COMMD10: variants seen among roughly 807,000 people sequenced by gnomAD.
COMMD10 encodes the protein COMM domain containing 10.
COMMD10 carries 33 observed loss-of-function variants against 28.9 expected under a neutral mutation model. The observed-to-expected ratio is 1.14, with a 90% CI of 0.87 to 1.53. COMMD10 has a LOEUF of 1.53. COMMD10 is among the 40% of genes most tolerant of loss of function. The pLI is 0.00. For synonymous variants in COMMD10, 110 were observed against 81.7 expected (o/e 1.35, Z -1.87); for missense variants, 310 against 233.4 (o/e 1.33, Z -2.14).
chr5:116,092,757 T>C (rs1330580022), intron 4 of COMMD10, 57 bp downstream of exon 4: 21 of 1,243,686 alleles, frequency 1.7e-5, no homozygotes, highest in South Asian at 7.8e-5. Context: ...TAAATTATTA[T>C]ACCTGAAGAG....
rs1751416596 is a variant in COMMD10, at chr5:116,293,127, TTAA to T, written c.*643_*645del. On this transcript the variant is annotated 3_prime_UTR_variant, in exon 7 of 7. Coordinates refer to ENST00000274458, the MANE Select transcript of COMMD10 (RefSeq NM_016144.4). Reference sequence around the variant, plus strand: ...TGTGTGTTTTTCTTTATACTGCAAATTAATAATGATTCACTTTATAGTTTGGGA... The same window carrying T: ...TGTGTGTTTTTCTTTATACTGCAAATTAATGATTCACTTTATAGTTTGGGA... 4 of 395,574 alleles carry T rather than the reference TTAA, an allele frequency of 1.0e-5. No individual in the cohort carries two copies. Among genetic ancestry groups the T allele is most frequent in the Non-Finnish European group, 1.8e-5 (4 of 224,002 alleles). 24.5% of individuals were successfully genotyped at this position (395,574 alleles called of 1,614,324 possible).
chr5:116,257,655 C>CT (rs1435343320), intron 5 of COMMD10, among the ~76,000 whole-genome samples: 1 of 151,496 alleles, frequency 6.6e-6, no homozygotes, highest in Non-Finnish European at 1.5e-5. Flanking sequence ...ACTTCATGTT[C>CT]TTTTTTGTAA....
intron 5 of COMMD10, among the ~76,000 whole-genome samples, chr5:116,137,896 A>G (rs75474035): frequency 6.6e-6 from 1 of 151,910 alleles, no homozygotes; most frequent in African/African-American, 2.4e-5. Flanking sequence ...GTGTTTGTCT[A>G]CTGTGTTTAG....
At chr5:116,227,042 T>C (rs536648145) in intron 5 of COMMD10, among the ~76,000 whole-genome samples, 262 of 152,138 alleles carry the variant, frequency 1.7e-3, no homozygotes, top group Non-Finnish European at 2.9e-3. Flanking sequence ...TGATTCACTC[T>C]CCCCCTCTTT....
At chr5:116,205,552 A>G (rs1748789320) in intron 5 of COMMD10, among the ~76,000 whole-genome samples, 1 of 152,112 alleles carries the variant, frequency 6.6e-6, no homozygotes, top group South Asian at 2.1e-4. Context: ...CCATATATGC[A>G]TATGTATATA....
At chr5:116,280,921 C>T (rs535318671) in intron 5 of COMMD10, among the ~76,000 whole-genome samples, 57 of 151,876 alleles carry the variant, frequency 3.8e-4, no homozygotes, top group Admixed American at 9.2e-4. Context: ...TTTATCTCTG[C>T]CTTTTATTTC....
chr5:116,165,227 A>G (rs1561642325), intron 5 of COMMD10, among the ~76,000 whole-genome samples: 1 of 152,210 alleles, frequency 6.6e-6, no homozygotes, highest in Admixed American at 6.5e-5. Context: ...GGTGAAAAGC[A>G]TACCTCAGGC....
At chr5:116,105,107 C>T (rs1304022093) in intron 4 of COMMD10, among the ~76,000 whole-genome samples, 1 of 152,056 alleles carries the variant, frequency 6.6e-6, no homozygotes, top group Non-Finnish European at 1.5e-5. Flanking sequence ...ATGAATAGCT[C>T]TTATTATTTT....
intron 4 of COMMD10, among the ~76,000 whole-genome samples, chr5:116,095,924 T>C (rs1750453098): frequency 6.6e-6 from 1 of 152,128 alleles, no homozygotes; most frequent in Non-Finnish European, 1.5e-5. Flanking sequence ...TCATTTGATA[T>C]TTTTGTGAGT....
intron 5 of COMMD10, among the ~76,000 whole-genome samples, chr5:116,282,870 T>G (rs1751110246): frequency 6.6e-6 from 1 of 151,876 alleles, no homozygotes; most frequent in African/African-American, 2.4e-5. Context: ...GCGTTAGGAC[T>G]TCAACTTAAA....
At chr5:116,132,250 A>G (rs1358517452) in intron 4 of COMMD10, among the ~76,000 whole-genome samples, 1 of 152,142 alleles carries the variant, frequency 6.6e-6, no homozygotes, top group Non-Finnish European at 1.5e-5. Flanking sequence ...ATAGTTTCCA[A>G]AATCCTTTAG....
At chr5:116,195,583 A>C (rs1748493329) in intron 5 of COMMD10, among the ~76,000 whole-genome samples, 1 of 152,154 alleles carries the variant, frequency 6.6e-6, no homozygotes, top group Admixed American at 6.6e-5. Context: ...TAAGTAAGAT[A>C]CGTAGGAATA....
At chr5:116,180,108 T>C (rs1747898712) in intron 5 of COMMD10, among the ~76,000 whole-genome samples, 1 of 152,132 alleles carries the variant, frequency 6.6e-6, no homozygotes, top group South Asian at 2.1e-4. Context: ...TCCATATCTT[T>C]GGACAGTCAA....
chr5:116,095,257 T>C lies in COMMD10; in HGVS notation c.399+2557T>C, dbSNP rs542390638. Among the ~76,000 whole-genome samples, 40 of 152,262 alleles carry C rather than the reference T, an allele frequency of 2.6e-4. No individual in the cohort carries two copies. In the South Asian group the frequency reaches 8.3e-3, roughly 32 times the overall value. On this transcript the variant is annotated intron_variant, in intron 4 of 6. Coordinates refer to ENST00000274458, the MANE Select transcript of COMMD10 (RefSeq NM_016144.4). ...ACCCTGACATGATCATTACACAGTCTATGCATATAAGAAAATATAACACAT... is the reference window on the plus strand; with the variant it reads ...ACCCTGACATGATCATTACACAGTCCATGCATATAAGAAAATATAACACAT...
chr5:116,126,894 G>A (rs6594944), intron 4 of COMMD10, among the ~76,000 whole-genome samples: 30,931 of 152,148 alleles, frequency 0.2, 5,069 homozygotes, highest in African/African-American at 0.46. Context: ...AACACCAAAA[G>A]CAATGGCAAC....
intron 5 of COMMD10, among the ~76,000 whole-genome samples, chr5:116,214,747 A>G (rs1243721097): frequency 2.0e-5 from 3 of 152,146 alleles, no homozygotes; most frequent in East Asian, 3.8e-4. Context: ...AGGCCTCAGT[A>G]TACATTAACA....
intron 5 of COMMD10, among the ~76,000 whole-genome samples, chr5:116,241,897 G>A (rs1409258931): frequency 4.9e-4 from 74 of 152,208 alleles, no homozygotes; most frequent in East Asian, 1.9e-4. Context: ...GATTACAGGC[G>A]TGAGCCACCA....
chr5:116,255,634 T>G (rs888402041), intron 5 of COMMD10: 3 of 151,618 alleles, frequency 2.0e-5, no homozygotes, highest in Admixed American at 2.0e-4. Flanking sequence ...TAGGAACAAT[T>G]AGTGTTTACA....
chr5:116,164,231 G>T lies in COMMD10; in HGVS notation c.510+30053G>T, dbSNP rs138667873. Among the ~76,000 whole-genome samples, 303 of 152,254 alleles carry T rather than the reference G, an allele frequency of 2.0e-3. 2 individuals are homozygous for T. The highest frequency in any genetic ancestry group is 6.9e-3 in the African/African-American group (288 of 41,538). On this transcript the variant is annotated intron_variant, in intron 5 of 6. Coordinates refer to ENST00000274458, the MANE Select transcript of COMMD10 (RefSeq NM_016144.4). ...AGCTACCCAGGAGGCTGAGGCAGGA[G>T]AACTGCTTGAACCCAGGAGGAGGAG... is the stretch of plus-strand genomic sequence containing the variant.
Sources: allele counts gnomAD v4.1 joint callset (sites outside exome capture counted in the v4.1 genomes callset), GRCh38; gene constraint gnomAD v4.1.1; transcripts MANE v1.5; gene names NCBI Gene and HGNC (gene_info 2026-07-23, HGNC 2026-07-21).